The following ME3 variants were observed in gnomAD, a reference collection of about 807,000 sequenced individuals.
ME3 encodes NADP-dependent malic enzyme, mitochondrial.
A neutral mutation model predicts 68.9 loss-of-function variants in ME3; 48 were observed. The observed-to-expected ratio is 0.70, with a 90% CI of 0.55 to 0.89. ME3 has a LOEUF of 0.89. ME3 is among the 40% of genes least tolerant of loss of function. The pLI, the probability that ME3 is intolerant of heterozygous loss-of-function variation, is 0.00. For missense variants in ME3, 675 were observed against 797.4 expected, an observed-to-expected ratio of 0.85 and a Z score of 1.85; for synonymous variants, 320 against 318.8, an observed-to-expected ratio of 1.00 and a Z score of -0.04.
At chr11:86,647,137 CA>C (rs1208443792) in intron 2 of ME3, among the ~76,000 whole-genome samples, 1 of 152,158 alleles carries the variant, frequency 6.6e-6, no homozygotes. Flanking sequence ...GAAGAAACTG[CA>C]TCAACTAATG....
Position 86,538,469 on chromosome 11 carries a change from T to C in ME3, c.467+18084A>G, listed in dbSNP as rs1264537119. ...TAGGTGGTAGTAGTTGTTTTAATCATTGTTCCATTTCTGGAGCCCAAGCTC... is the reference window on the plus strand; with the variant it reads ...TAGGTGGTAGTAGTTGTTTTAATCACTGTTCCATTTCTGGAGCCCAAGCTC... On this transcript the variant is annotated intron_variant, in intron 4 of 14. Coordinates refer to ENST00000543262, the Ensembl canonical transcript of ME3. Among the ~76,000 whole-genome samples the C allele has an allele frequency of 5.9e-5, 9 of 152,286 alleles. No individual in the cohort carries two copies. In the East Asian group the frequency reaches 1.4e-3, roughly 23 times the overall value.
chr11:86,462,530 G>C, intron 8 of ME3: 1 of 1,205,740 alleles, frequency 8.3e-7, no homozygotes, highest in Non-Finnish European at 1.1e-6. Flanking sequence ...TAACAGAGAG[G>C]CTGCAGGGGC....
rs1226641587 is a variant in ME3 at position 86,486,609 on chromosome 11, T to G, written c.809+728A>C. 5.9e-5 allele frequency among the ~76,000 whole-genome samples: 9 copies of G among 152,244 alleles called. 1 individual carries two copies. In the South Asian group the frequency reaches 1.7e-3, roughly 28 times the overall value. On this transcript the variant is annotated intron_variant, in intron 7 of 14. Transcript: ENST00000543262. ...TTCAGGCAGCAAGAAGGCTGGAGAT[T>G]TGCAAGTGAGAGGGGAACATGCTTT...
chr11:86,647,229 A>C (rs1010974167), intron 2 of ME3, among the ~76,000 whole-genome samples: 5 of 152,236 alleles, frequency 3.3e-5, no homozygotes, highest in Non-Finnish European at 7.3e-5. Flanking sequence ...AATGGACTAA[A>C]TGCCCCAATT....
At chr11:86,529,624 C>G (rs1263828948) in intron 4 of ME3, among the ~76,000 whole-genome samples, 1 of 152,140 alleles carries the variant, frequency 6.6e-6, no homozygotes, top group East Asian at 1.9e-4. Flanking sequence ...TACTGGCAAA[C>G]TGAATCCAGC....
At chr11:86,582,973 A>G (rs1958528498) in intron 2 of ME3, among the ~76,000 whole-genome samples, 1 of 152,092 alleles carries the variant, frequency 6.6e-6, no homozygotes, top group Admixed American at 6.6e-5. Context: ...AGTGGCAGTT[A>G]AAACTTGGTG....
At chr11:86,672,235 G>A (rs1300334325) in intron 1 of ME3, 89 bp downstream of exon 1, 4 of 364,192 alleles carry the variant, frequency 1.1e-5, no homozygotes, top group African/African-American at 6.3e-5. Context: ...CCCCATCCCT[G>A]TGAAAAAGAG....
In ME3 at chr11:86,631,123, C is replaced by T. The variant is rs1430440158; in HGVS notation, c.183+40639G>A. On this transcript the variant is annotated intron_variant, in intron 2 of 14. Transcript: ENST00000543262. The stretch of plus-strand genomic sequence containing the variant: ...GGATTAGGGGAAGGATGCTATGTAC[C>T]GAATTGCAGATGTTAGGTTGAACAA... Among the ~76,000 whole-genome samples, 5 of 152,204 alleles carry T rather than the reference C, an allele frequency of 3.3e-5. No homozygotes were observed. The South Asian group carries it at 8.3e-4, about 25-fold the overall frequency.
At chr11:86,441,112 G>T in exon 15 of ME3, 1 of 581,496 alleles carries the variant, frequency 1.7e-6, no homozygotes, top group Non-Finnish European at 2.6e-6. Flanking sequence ...AGGGCCTTCA[G>T]AGACAAGGCT....
intron 7 of ME3, among the ~76,000 whole-genome samples, chr11:86,486,990 T>A (rs1399923480): frequency 6.6e-6 from 1 of 152,196 alleles, no homozygotes; most frequent in Non-Finnish European, 1.5e-5. Flanking sequence ...GGCACACATT[T>A]TTCCTCCATC....
At chr11:86,643,604 C>T (rs189128635) in intron 2 of ME3, among the ~76,000 whole-genome samples, 1 of 152,126 alleles carries the variant, frequency 6.6e-6, no homozygotes, top group Non-Finnish European at 1.5e-5. Context: ...TTTAAGAAAC[C>T]TTCTTACCCT....
intron 4 of ME3, among the ~76,000 whole-genome samples, chr11:86,516,779 T>A (rs1953932573): frequency 6.6e-6 from 1 of 152,162 alleles, no homozygotes; most frequent in Admixed American, 6.5e-5. Context: ...GGAACATACA[T>A]CACTGTCCCC....
intron 2 of ME3, among the ~76,000 whole-genome samples, chr11:86,583,368 G>A (rs7117143): frequency 3.9e-5 from 6 of 151,996 alleles, no homozygotes; most frequent in South Asian, 2.1e-4. Flanking sequence ...TGCACCAACC[G>A]AATACAAGAT....
At chr11:86,654,149 C>A (rs1945682532) in intron 2 of ME3, among the ~76,000 whole-genome samples, 1 of 152,172 alleles carries the variant, frequency 6.6e-6, no homozygotes, top group African/African-American at 2.4e-5. Context: ...GGATTCACAG[C>A]CGAATTCTAC....
intron 7 of ME3, among the ~76,000 whole-genome samples, chr11:86,475,924 G>A (rs938730755): frequency 6.6e-6 from 1 of 150,758 alleles, no homozygotes; most frequent in East Asian, 1.9e-4. Context: ...GAGAGAGAGA[G>A]CAGTGACCCT....
chr11:86,488,026 A>T (rs1409205156), intron 6 of ME3, among the ~76,000 whole-genome samples: 1 of 152,158 alleles, frequency 6.6e-6, no homozygotes, highest in African/African-American at 2.4e-5. Context: ...AAAAATTTTT[A>T]AAAATTAGCT....
At chr11:86,574,401 G>GC (rs759945951) in intron 2 of ME3, among the ~76,000 whole-genome samples, 2 of 59,638 alleles carry the variant, frequency 3.4e-5, no homozygotes, top group African/African-American at 7.3e-5. Flanking sequence ...TGTTGCCGGG[G>GC]GGGGGGGGGG....
chr11:86,465,130 A>G, exon 8 of ME3: 1 of 1,613,810 alleles, frequency 6.2e-7, no homozygotes, highest in Non-Finnish European at 8.5e-7. Context: ...TTGTTACGGT[A>G]TTTGTTGAGC....
At chr11:86,503,917 T>G (rs1341424077) in intron 5 of ME3, among the ~76,000 whole-genome samples, 1 of 152,148 alleles carries the variant, frequency 6.6e-6, no homozygotes, top group African/African-American at 2.4e-5. Flanking sequence ...CAATGGCCAC[T>G]GTGGGAAAAA....
Sources: gnomAD v4.1 joint callset for allele counts (sites outside exome capture counted in the v4.1 genomes callset) on GRCh38, gnomAD v4.1.1 for gene constraint, MANE v1.5 for transcripts, NCBI Gene and HGNC (gene_info 2026-07-23, HGNC 2026-07-21) for gene names.